Variants in SSBP2 observed in about 807,000 individuals in gnomAD.
SSBP2 encodes single stranded DNA binding protein 2.
In SSBP2, 17 loss-of-function variants were observed where a neutral mutation model predicts 61.8. The observed-to-expected ratio is 0.28, with a 90% CI of 0.19 to 0.41. The LOEUF (loss-of-function observed/expected upper bound fraction) is 0.41. Among genes scored for constraint, SSBP2 ranks in the 10% least tolerant of loss-of-function variants. SSBP2 has a pLI of 1.00. For synonymous variants in SSBP2, 139 were observed against 141.3 expected (o/e 0.98, Z 0.12); for missense variants, 310 against 458.7 (o/e 0.68, Z 2.96).
At chr5:81,612,971 C>T (rs1017038770) in intron 4 of SSBP2, among the ~76,000 whole-genome samples, 15 of 152,018 alleles carry the variant, frequency 9.9e-5, no homozygotes, top group Non-Finnish European at 1.8e-4. Context: ...CAGAAATTAT[C>T]TACTATTAAG....
chr5:81,688,783 A>G (rs1753002746), intron 1 of SSBP2, among the ~76,000 whole-genome samples: 1 of 152,150 alleles, frequency 6.6e-6, no homozygotes, highest in South Asian at 2.1e-4. Flanking sequence ...AATTGCAAAG[A>G]TTACAATGCC....
chr5:81,659,792 C>T (rs767642740), intron 1 of SSBP2, among the ~76,000 whole-genome samples: 10 of 151,650 alleles, frequency 6.6e-5, no homozygotes, highest in Admixed American at 2.0e-4. Context: ...TATAGCAAAA[C>T]GGCTATAGTA....
chr5:81,661,991 C>G (rs1750734948), intron 1 of SSBP2, among the ~76,000 whole-genome samples: 1 of 152,154 alleles, frequency 6.6e-6, no homozygotes, highest in Non-Finnish European at 1.5e-5. Context: ...TTTAAGTCTT[C>G]AGTCTATTTT....
At chr5:81,466,089 C>T (rs1265512596) in intron 9 of SSBP2, among the ~76,000 whole-genome samples, 2 of 151,872 alleles carry the variant, frequency 1.3e-5, no homozygotes, top group Non-Finnish European at 2.9e-5. Context: ...TATAAGTAAT[C>T]AAAACACGAA....
chr5:81,651,754 T>C (rs1749749013), intron 1 of SSBP2, among the ~76,000 whole-genome samples: 1 of 152,194 alleles, frequency 6.6e-6, no homozygotes, highest in Non-Finnish European at 1.5e-5. Flanking sequence ...AATATTCCTG[T>C]AGTTTCAAAC....
intron 1 of SSBP2, among the ~76,000 whole-genome samples, chr5:81,719,417 T>C (rs1310704236): frequency 6.6e-6 from 1 of 152,214 alleles, no homozygotes; most frequent in African/African-American, 2.4e-5. Context: ...ATGGGCTTCT[T>C]AATATCCATA....
intron 1 of SSBP2, among the ~76,000 whole-genome samples, chr5:81,736,770 T>C (rs964575953): frequency 6.6e-6 from 1 of 152,244 alleles, no homozygotes; most frequent in African/African-American, 2.4e-5. Flanking sequence ...TTGTCCCTTC[T>C]ACCAATTTAA....
chr5:81,432,827 G>A (rs1184372315), intron 15 of SSBP2, among the ~76,000 whole-genome samples: 4 of 135,286 alleles, frequency 3.0e-5, no homozygotes, highest in Non-Finnish European at 4.8e-5. Context: ...CCCCCCGCCC[G>A]GCCAGCCGCC....
Position 81,680,481 on chromosome 5 carries a change from C to CA in SSBP2, c.63-30143dup, listed in dbSNP as rs1752305636. ...ATTAAAAGAGATTGTCAGAGTGGAT[C>CA]AAAAAAATAAGACTCAGCTGTATGT... On this transcript the variant is annotated intron_variant, in intron 1 of 16. Transcript: ENST00000320672. Among the ~76,000 whole-genome samples, 3 of 151,388 alleles carry CA rather than the reference C, an allele frequency of 2.0e-5. No individual in the cohort carries two copies. In the South Asian group the frequency reaches 6.2e-4, roughly 31 times the overall value.
chr5:81,623,399 G>A (rs1458831850), intron 3 of SSBP2, among the ~76,000 whole-genome samples: 3 of 140,312 alleles, frequency 2.1e-5, no homozygotes, highest in African/African-American at 7.9e-5. Flanking sequence ...GCAGTGGCAC[G>A]ATCTCAGCTC....
chr5:81,623,627 G>GC (rs1746849921), intron 3 of SSBP2, among the ~76,000 whole-genome samples: 1 of 151,988 alleles, frequency 6.6e-6, no homozygotes, highest in African/African-American at 2.4e-5. Context: ...GAGCCACCGC[G>GC]CCCGGTCCAT....
chr5:81,734,272 T>C (rs543514416), intron 1 of SSBP2, among the ~76,000 whole-genome samples: 4 of 152,164 alleles, frequency 2.6e-5, no homozygotes, highest in African/African-American at 4.8e-5. Context: ...AAGAAAAAAA[T>C]GTGATAAGTA....
intron 2 of SSBP2, among the ~76,000 whole-genome samples, chr5:81,647,919 G>A (rs376999554): frequency 2.0e-5 from 3 of 151,996 alleles, no homozygotes; most frequent in Admixed American, 6.6e-5. Context: ...ATACTTGAAC[G>A]TCCTTGAATA....
At chr5:81,522,563 T>G (rs1455571170) in intron 4 of SSBP2, among the ~76,000 whole-genome samples, 2 of 152,116 alleles carry the variant, frequency 1.3e-5, no homozygotes, top group African/African-American at 4.8e-5. Context: ...TTAAATAAAA[T>G]GCAGATATTT....
At chr5:81,611,933 A>C (rs1745490673) in intron 4 of SSBP2, among the ~76,000 whole-genome samples, 1 of 152,116 alleles carries the variant, frequency 6.6e-6, no homozygotes, top group African/African-American at 2.4e-5. Flanking sequence ...AACATAGGGC[A>C]TATGATTAAC....
chr5:81,440,405 AAATGTC>A, intron 14 of SSBP2, 147 bp downstream of exon 14: 2 of 586,034 alleles, frequency 3.4e-6, no homozygotes, highest in Non-Finnish European at 6.1e-6. Context: ...ATAACCAATA[AAATGTC>A]AATTAAACTA....
intron 4 of SSBP2, among the ~76,000 whole-genome samples, chr5:81,608,400 C>T (rs1473307341): frequency 6.6e-6 from 1 of 152,064 alleles, no homozygotes; most frequent in Non-Finnish European, 1.5e-5. Flanking sequence ...TAATCCTTGC[C>T]TTTCTTCAGT....
intron 3 of SSBP2, among the ~76,000 whole-genome samples, chr5:81,622,471 T>C (rs1664104373): frequency 6.6e-6 from 1 of 152,236 alleles, no homozygotes; most frequent in Admixed American, 6.5e-5. Context: ...ACCTGCTGAT[T>C]ACCAGCTGTG....
intron 5 of SSBP2, among the ~76,000 whole-genome samples, chr5:81,492,603 T>C (rs1057027351): frequency 3.3e-5 from 5 of 151,998 alleles, no homozygotes; most frequent in African/African-American, 1.2e-4. Context: ...TTTTTTTAAG[T>C]TTGAGTAACA....
Sources: gnomAD v4.1 joint callset for allele counts (sites outside exome capture counted in the v4.1 genomes callset) on GRCh38, gnomAD v4.1.1 for gene constraint, MANE v1.5 for transcripts, NCBI Gene and HGNC (gene_info 2026-07-23, HGNC 2026-07-21) for gene names.